DGKB: variants seen among roughly 807,000 people sequenced by gnomAD.
DGKB encodes diacylglycerol kinase beta, also known as 90 kDa diacylglycerol kinase.
In DGKB, 67 loss-of-function variants were observed where a neutral mutation model predicts 114.3. That is an observed-to-expected ratio of 0.59 (90% CI 0.48 to 0.72). The LOEUF (loss-of-function observed/expected upper bound fraction) is 0.72. Ranked by LOEUF, DGKB falls within the 30% of genes least tolerant of loss-of-function variation. The pLI is 0.00. For missense variants in DGKB, 907 were observed against 975.2 expected, an observed-to-expected ratio of 0.93 and a Z score of 0.93; for synonymous variants, 398 against 323.1, an observed-to-expected ratio of 1.23 and a Z score of -2.49.
At chr7:14,497,238 T>G (rs73285817) in intron 20 of DGKB, among the ~76,000 whole-genome samples, 1 of 151,898 alleles carries the variant, frequency 6.6e-6, no homozygotes, top group African/African-American at 2.4e-5. Flanking sequence ...TTGCATATGA[T>G]GTAAACTATT....
intron 21 of DGKB, among the ~76,000 whole-genome samples, chr7:14,427,057 C>CA (rs781633586): frequency 2.0e-5 from 3 of 151,496 alleles, no homozygotes; most frequent in Non-Finnish European, 2.9e-5. Context: ...GAAACACTCT[C>CA]AAAAAATACA....
chr7:14,571,991 A>T lies in DGKB; in HGVS notation c.1770+2221T>A. 1.3e-5 allele frequency among the ~76,000 whole-genome samples: 2 copies of T among 152,200 alleles called. 1 individual carries two copies. Among genetic ancestry groups the T allele is most frequent in the Non-Finnish European group, 2.9e-5 (2 of 68,034 alleles). On this transcript the variant is annotated intron_variant, in intron 20 of 25. Transcript: ENST00000402815. ...TATAAACAATTTTCAGTATTCAACA[A>T]AAAACGAGGAGATATGCAAAGGAAT...
intron 1 of DGKB, among the ~76,000 whole-genome samples, chr7:14,882,287 C>G (rs1352221764): frequency 1.3e-5 from 2 of 151,998 alleles, no homozygotes; most frequent in Non-Finnish European, 2.9e-5. Context: ...CTTTGACAGT[C>G]AGAGTTTATA....
intron 25 of DGKB, among the ~76,000 whole-genome samples, chr7:14,173,479 T>G (rs1451046271): frequency 6.6e-6 from 1 of 152,210 alleles, no homozygotes; most frequent in Non-Finnish European, 1.5e-5. Flanking sequence ...TAAGCATTAA[T>G]TGATATTTCT....
chr7:14,886,448 G>A (rs933978357), intron 1 of DGKB, among the ~76,000 whole-genome samples: 2 of 151,710 alleles, frequency 1.3e-5, no homozygotes, highest in African/African-American at 4.8e-5. Context: ...AAAAATAACA[G>A]CAAACCAAAG....
intron 14 of DGKB, among the ~76,000 whole-genome samples, chr7:14,629,527 G>T (rs1387691665): frequency 6.6e-6 from 1 of 151,898 alleles, no homozygotes; most frequent in Non-Finnish European, 1.5e-5. Context: ...TCTAAAATAA[G>T]CAGATTTTAA....
chr7:14,265,120 C>T (rs956355094), intron 23 of DGKB, among the ~76,000 whole-genome samples: 5 of 147,524 alleles, frequency 3.4e-5, no homozygotes, highest in Non-Finnish European at 7.4e-5. Context: ...CTTAATCTTC[C>T]TGTCTCCAAT....
chr7:14,202,992 C>T (rs1786135740), intron 23 of DGKB, among the ~76,000 whole-genome samples: 1 of 151,736 alleles, frequency 6.6e-6, no homozygotes, highest in African/African-American at 2.4e-5. Flanking sequence ...TATTTTCATA[C>T]ATTCACTCAT....
chr7:14,676,256 C>T (rs1005370547), intron 12 of DGKB, among the ~76,000 whole-genome samples: 2 of 151,524 alleles, frequency 1.3e-5, no homozygotes, highest in Non-Finnish European at 2.9e-5. Flanking sequence ...GGGGAAAATT[C>T]ATTGGGCTCT....
intron 23 of DGKB, among the ~76,000 whole-genome samples, chr7:14,240,290 C>T (rs952538972): frequency 1.5e-4 from 23 of 152,046 alleles, no homozygotes; most frequent in African/African-American, 4.3e-4. Context: ...AAATTTTGTA[C>T]GATCATTATG....
At chr7:14,542,790 G>A (rs183494095) in intron 20 of DGKB, among the ~76,000 whole-genome samples, 2 of 152,276 alleles carry the variant, frequency 1.3e-5, no homozygotes, top group African/African-American at 4.8e-5. Context: ...ATCGCATCCA[G>A]AGGACTTTTG....
At chr7:14,833,728 A>T (rs1418256764) in intron 2 of DGKB, among the ~76,000 whole-genome samples, 1 of 152,082 alleles carries the variant, frequency 6.6e-6, no homozygotes, top group East Asian at 1.9e-4. Flanking sequence ...ATGTCTATAC[A>T]CCAACACACA....
At chr7:14,342,434 A>G (rs1021993727) in intron 22 of DGKB, among the ~76,000 whole-genome samples, 10 of 151,918 alleles carry the variant, frequency 6.6e-5, no homozygotes, top group Admixed American at 1.3e-4. Flanking sequence ...ATACTTTAAT[A>G]TAAACATTGG....
chr7:14,631,201 C>A (rs186412969), intron 13 of DGKB, among the ~76,000 whole-genome samples: 173 of 144,436 alleles, frequency 1.2e-3, no homozygotes, highest in Admixed American at 2.9e-3. Flanking sequence ...TATGAAAAAT[C>A]TGATAGTCCA....
intron 1 of DGKB, among the ~76,000 whole-genome samples, chr7:14,973,519 GTT>G (rs201473471): frequency 1.6e-5 from 2 of 126,250 alleles, no homozygotes; most frequent in South Asian, 2.8e-4. Flanking sequence ...TTTGTTTTTT[GTT>G]TTTTTGTTTT....
chr7:14,718,422 A>C, intron 6 of DGKB, 120 bp downstream of exon 6: 1 of 769,314 alleles, frequency 1.3e-6, no homozygotes, highest in South Asian at 3.3e-5. Context: ...ACTATTAAGC[A>C]GGATCACTTT....
At chr7:14,641,441 C>A (rs1019067307) in intron 13 of DGKB, among the ~76,000 whole-genome samples, 3 of 151,088 alleles carry the variant, frequency 2.0e-5, no homozygotes, top group African/African-American at 7.3e-5. Flanking sequence ...TTAGCATTTT[C>A]TTTAAAATAA....
intron 1 of DGKB, among the ~76,000 whole-genome samples, chr7:14,859,933 G>T (rs1232115097): frequency 6.6e-6 from 1 of 151,954 alleles, no homozygotes; most frequent in African/African-American, 2.4e-5. Flanking sequence ...TGTACCCAAA[G>T]CCCAGAAATA....
At chr7:14,871,402 G>C (rs1852434101) in intron 1 of DGKB, among the ~76,000 whole-genome samples, 1 of 152,228 alleles carries the variant, frequency 6.6e-6, no homozygotes, top group Admixed American at 6.5e-5. Flanking sequence ...TGACGGGAAA[G>C]GGGAGATGCT....
Sources: gnomAD v4.1 joint callset for allele counts (sites outside exome capture counted in the v4.1 genomes callset) on GRCh38, gnomAD v4.1.1 for gene constraint, MANE v1.5 for transcripts, NCBI Gene and HGNC (gene_info 2026-07-23, HGNC 2026-07-21) for gene names.